Variants in CCSER1 observed in about 807,000 individuals in gnomAD.
The protein encoded by CCSER1 is serine-rich coiled-coil domain-containing protein 1.
Under a neutral mutation model 82.0 loss-of-function variants are expected in CCSER1, and 41 were observed. That is an observed-to-expected ratio of 0.50 (90% CI 0.39 to 0.65). CCSER1 has a LOEUF of 0.65. Ranked by LOEUF, CCSER1 falls within the 30% of genes least tolerant of loss-of-function variation. The probability of loss-of-function intolerance (pLI) is 0.00; values close to 1 mark genes in which losing one functional copy is unlikely to be tolerated. For missense variants in CCSER1, 1,119 were observed against 1,064.2 expected, an observed-to-expected ratio of 1.05 and a Z score of -0.72; for synonymous variants, 414 against 383.9, an observed-to-expected ratio of 1.08 and a Z score of -0.92.
intron 10 of CCSER1, among the ~76,000 whole-genome samples, chr4:91,524,837 G>A (rs7654341): frequency 0.54 from 81,766 of 152,018 alleles, 22,199 homozygotes; most frequent in East Asian, 0.61. Flanking sequence ...TATTGTCTTC[G>A]TAATAAGAAT....
At chr4:90,278,952 C>T (rs1169027439) in intron 1 of CCSER1, among the ~76,000 whole-genome samples, 1 of 152,002 alleles carries the variant, frequency 6.6e-6, no homozygotes, top group African/African-American at 2.4e-5. Context: ...TAGGGTTTTT[C>T]CATAAGCGTA....
intron 8 of CCSER1, among the ~76,000 whole-genome samples, chr4:90,903,126 G>T: frequency 6.6e-6 from 1 of 152,074 alleles, no homozygotes; most frequent in East Asian, 1.9e-4. Context: ...TAAATTCAAA[G>T]AAATCAAAAT....
intron 10 of CCSER1, among the ~76,000 whole-genome samples, chr4:91,588,644 T>G (rs138774318): frequency 6.6e-6 from 1 of 151,916 alleles, no homozygotes; most frequent in African/African-American, 2.4e-5. Flanking sequence ...ATGTTAGCAG[T>G]ATTCTTTTGA....
At chr4:91,072,488 G>T (rs1334858468) in intron 9 of CCSER1, among the ~76,000 whole-genome samples, 5 of 152,058 alleles carry the variant, frequency 3.3e-5, no homozygotes, top group African/African-American at 4.8e-5. Context: ...ACATGGTTTA[G>T]ATTGATCTCT....
At chr4:90,427,111 T>G (rs1440086539) in intron 4 of CCSER1, among the ~76,000 whole-genome samples, 1 of 152,060 alleles carries the variant, frequency 6.6e-6, no homozygotes, top group Non-Finnish European at 1.5e-5. Context: ...CAATTTTGTG[T>G]GTCTAATAGC....
chr4:91,093,059 T>TA (rs1581535646), intron 10 of CCSER1, among the ~76,000 whole-genome samples: 1 of 152,204 alleles, frequency 6.6e-6, no homozygotes, highest in Non-Finnish European at 1.5e-5. Flanking sequence ...TAGAAAGGCA[T>TA]ATCAAGAGTC....
chr4:91,501,487 G>T (rs1384593475), intron 10 of CCSER1, among the ~76,000 whole-genome samples: 1 of 151,886 alleles, frequency 6.6e-6, no homozygotes, highest in Non-Finnish European at 1.5e-5. Flanking sequence ...CTAATTTAAA[G>T]AGTTACATAA....
At chr4:91,484,034 A>T (rs561119949) in intron 10 of CCSER1, among the ~76,000 whole-genome samples, 3 of 140,892 alleles carry the variant, frequency 2.1e-5, no homozygotes, top group Non-Finnish European at 3.0e-5. Context: ...AGCACTGTTG[A>T]GTCTTATTCT....
At chr4:90,830,337 G>A (rs897353037) in intron 8 of CCSER1, among the ~76,000 whole-genome samples, 7 of 152,078 alleles carry the variant, frequency 4.6e-5, no homozygotes, top group African/African-American at 1.7e-4. Context: ...ATTTCTCAAA[G>A]CTGCAGAATG....
chr4:91,294,936 T>C (rs1744042981), intron 10 of CCSER1, among the ~76,000 whole-genome samples: 1 of 151,958 alleles, frequency 6.6e-6, no homozygotes, highest in East Asian at 1.9e-4. Context: ...AAATTTCTTT[T>C]CCTGACTTTA....
chr4:91,018,601 C>G (rs889735785), intron 9 of CCSER1, among the ~76,000 whole-genome samples: 21 of 152,034 alleles, frequency 1.4e-4, no homozygotes, highest in African/African-American at 4.6e-4. Flanking sequence ...TCAAACACTG[C>G]ATAATGTGGC....
At chr4:91,307,687 G>A (rs541384947) in intron 10 of CCSER1, among the ~76,000 whole-genome samples, 197 of 151,988 alleles carry the variant, frequency 1.3e-3, no homozygotes, top group Middle Eastern at 3.4e-3. Flanking sequence ...GAATAGAAAA[G>A]AACAGTTCCT....
intron 6 of CCSER1, among the ~76,000 whole-genome samples, chr4:90,658,573 C>T (rs1369415439): frequency 1.3e-5 from 2 of 152,074 alleles, no homozygotes; most frequent in East Asian, 3.9e-4. Context: ...ACAAATGACC[C>T]CAAGGATAAA....
intron 8 of CCSER1, among the ~76,000 whole-genome samples, chr4:90,897,595 A>G (rs762698157): frequency 8.5e-5 from 13 of 152,066 alleles, no homozygotes; most frequent in Non-Finnish European, 1.5e-4. Flanking sequence ...GCTGCAGTAA[A>G]CATAAGAGTG....
chr4:90,325,102 T>C (rs1049910620), intron 3 of CCSER1, among the ~76,000 whole-genome samples: 1 of 152,212 alleles, frequency 6.6e-6, no homozygotes, highest in African/African-American at 2.4e-5. Flanking sequence ...CTATGATTGC[T>C]CACCTGACTT....
chr4:90,635,216 A>G, intron 6 of CCSER1, among the ~76,000 whole-genome samples: 1 of 151,746 alleles, frequency 6.6e-6, no homozygotes, highest in East Asian at 1.9e-4. Flanking sequence ...AATATTTTTA[A>G]CCCAATTGAC....
intron 10 of CCSER1, among the ~76,000 whole-genome samples, chr4:91,139,723 T>C (rs1027085467): frequency 6.6e-6 from 1 of 152,166 alleles, no homozygotes; most frequent in Admixed American, 6.6e-5. Context: ...GAAAATTAAA[T>C]TTTGGAAATT....
At position 90,548,272 on chromosome 4, in the gene CCSER1, T is replaced by A. The variant is rs1777022504; in HGVS notation, c.1725-79753T>A. Among the ~76,000 whole-genome samples, 5 of 152,138 alleles carry A rather than the reference T, an allele frequency of 3.3e-5. No individual in the cohort carries two copies. In the South Asian group the frequency reaches 1.0e-3, roughly 32 times the overall value. The stretch of plus-strand genomic sequence containing the variant: ...ATTTATTAGCAGTCACTTGCTCCAC[T>A]CCAGGTTCAGGCTTCAACAGTACAT... On this transcript the variant is annotated intron_variant, in intron 5 of 10. Coordinates refer to ENST00000509176, the MANE Select transcript of CCSER1 (RefSeq NM_001145065.2).
intron 1 of CCSER1, among the ~76,000 whole-genome samples, chr4:90,255,029 T>C (rs936196778): frequency 9.9e-5 from 15 of 151,402 alleles, no homozygotes; most frequent in Admixed American, 4.6e-4. Context: ...TATGAACATA[T>C]TGATTCTACC....
Sources: allele counts gnomAD v4.1 joint callset (sites outside exome capture counted in the v4.1 genomes callset), GRCh38; gene constraint gnomAD v4.1.1; transcripts MANE v1.5; gene names NCBI Gene and HGNC (gene_info 2026-07-23, HGNC 2026-07-21).